Variants in ABCC3 observed in about 807,000 individuals in gnomAD.
ABCC3 encodes the protein ATP binding cassette subfamily C member 3, also known as ATP-binding cassette sub-family C member 3.
Under a neutral mutation model 165.3 loss-of-function variants are expected in ABCC3, and 121 were observed. The observed-to-expected ratio is 0.73, with a 90% CI of 0.63 to 0.85. ABCC3 has a LOEUF of 0.85. Among genes scored for constraint, ABCC3 ranks in the 40% least tolerant of loss-of-function variants. ABCC3 has a pLI of 0.00. For missense variants in ABCC3, 1,869 were observed against 1,964.1 expected, an observed-to-expected ratio of 0.95 and a Z score of 0.92; for synonymous variants, 733 against 810.1, an observed-to-expected ratio of 0.90 and a Z score of 1.62.
intron 25 of ABCC3, 48 bp from the exon 26 acceptor site, chr17:50,679,749 CG>C: frequency 6.5e-7 from 1 of 1,533,380 alleles, no homozygotes. Context: ...AAAGCCATTA[CG>C]GTGGGGAGGG....
chr17:50,689,255 C>T (rs919457153), intron 30 of ABCC3, among the ~76,000 whole-genome samples: 2 of 152,236 alleles, frequency 1.3e-5, no homozygotes, highest in African/African-American at 2.4e-5. Context: ...GTGTCCTCCC[C>T]AGCCCCTTGC....
At chr17:50,676,141 G>A (rs1354131642) in intron 22 of ABCC3, 51 bp downstream of exon 22, 1 of 1,607,488 alleles carries the variant, frequency 6.2e-7, no homozygotes, top group Non-Finnish European at 8.5e-7. Context: ...TTCTTCTCTG[G>A]GCTGCCAGGC....
intron 25 of ABCC3, among the ~76,000 whole-genome samples, chr17:50,678,617 A>C (rs1445677870): frequency 6.6e-6 from 1 of 152,098 alleles, no homozygotes; most frequent in African/African-American, 2.4e-5. Context: ...GGAGAAACAA[A>C]ATGTTTTAAA....
At position 50,678,259 on chromosome 17, in the gene ABCC3, G is replaced by A. The variant is rs1415635300; in HGVS notation, c.3705+40G>A. 7.3e-6 allele frequency: 11 copies of A among 1,509,532 alleles called. No homozygotes were observed. In the East Asian group the frequency reaches 2.1e-4, roughly 28 times the overall value. 93.5% of individuals were successfully genotyped at this position (1,509,532 alleles called of 1,614,324 possible). A position where few individuals can be genotyped will look rare whatever the true frequency, so the allele number is the denominator to read the frequency against. The stretch of plus-strand genomic sequence containing the variant: ...GACCCCAGGGCAGGGCCACCACTGG[G>A]ACAGAAACCACACAGGTGTTCCAGG... On this transcript the variant is annotated intron_variant, in intron 25 of 30. Transcript: ENST00000285238.
rs386386244 is a variant in ABCC3, at chr17:50,671,702, C to CTTTTT, written c.2242-1243_2242-1239dup. Reference sequence around the variant, plus strand: ...AGCTCAGGTCTCTCTTCCTTCCTTCCTTTTTTTTTTTTTTTTTTTTTTTTT... The same window carrying CTTTTT: ...AGCTCAGGTCTCTCTTCCTTCCTTCCTTTTTTTTTTTTTTTTTTTTTTTTTTTTTT... On this transcript the variant is annotated intron_variant, in intron 17 of 30. Coordinates refer to ENST00000285238, the MANE Select transcript of ABCC3 (RefSeq NM_003786.4). Among the ~76,000 whole-genome samples, 278 of 56,394 alleles carry CTTTTT rather than the reference C, an allele frequency of 4.9e-3. 41 individuals carry two copies. The highest frequency in any genetic ancestry group is 8.5e-3 in the African/African-American group (149 of 17,578). 37.0% of individuals were successfully genotyped at this position (56,394 alleles called of 152,430 possible).
chr17:50,691,723 C>T lies in ABCC3; in HGVS notation c.*523C>T, dbSNP rs1248859324. Reference sequence around the variant, plus strand: ...CAGTATATACACAGTAGTCTTTTTGCACTTGTTCACAAGGTTTGGGGATTA... The same window carrying T: ...CAGTATATACACAGTAGTCTTTTTGTACTTGTTCACAAGGTTTGGGGATTA... On this transcript the variant is annotated 3_prime_UTR_variant, in exon 31 of 31. Coordinates refer to ENST00000285238, the MANE Select transcript of ABCC3 (RefSeq NM_003786.4). The T allele has an allele frequency of 2.0e-5, 3 of 152,606 alleles. No homozygotes were observed. Among genetic ancestry groups the T allele is most frequent in the Non-Finnish European group, 2.9e-5 (2 of 68,358 alleles). The allele number at this position is 152,606 out of a possible 1,614,324, so 9.5% of individuals were successfully genotyped here.
At chr17:50,635,682 GC>G in intron 1 of ABCC3, 1 of 682,290 alleles carries the variant, frequency 1.5e-6, no homozygotes, top group East Asian at 2.7e-5. Context: ...GAAGGGACTT[GC>G]CCAAAGTTAC....
At chr17:50,673,964 C>CT (rs1567835504) in intron 19 of ABCC3, among the ~76,000 whole-genome samples, 3 of 23,172 alleles carry the variant, frequency 1.3e-4, no homozygotes, top group Non-Finnish European at 2.3e-4. Context: ...TTCTTTCTTT[C>CT]TTTCTTTCTT....
At position 50,657,060 on chromosome 17, in the gene ABCC3, G is replaced by C; in HGVS notation, c.363G>C (p.Leu121=). 6.2e-7 allele frequency: 1 copy of C among 1,613,902 alleles called. No homozygotes were observed. Among genetic ancestry groups the C allele is most frequent in the South Asian group, 1.1e-5 (1 of 91,030 alleles). Residue 121 remains leucine, a synonymous_variant, in exon 4 of 31, where the codon CTG becomes CTC. Coordinates refer to ENST00000285238, the MANE Select transcript of ABCC3 (RefSeq NM_003786.4). ...VVGVTMLLAT[L]LIQYERLQGV... ...TCCCTGCACAGCTGCTGGCCACCCT[G>C]CTGATACAGTATGAGCGGCTGCAGG...
chr17:50,657,618 G>A (rs759354334), intron 4 of ABCC3, among the ~76,000 whole-genome samples: 2 of 152,162 alleles, frequency 1.3e-5, no homozygotes, highest in Non-Finnish European at 2.9e-5. Flanking sequence ...TGTGATGTTG[G>A]GCTGGTGGGA....
intron 1 of ABCC3, among the ~76,000 whole-genome samples, chr17:50,645,588 G>T (rs572327573): frequency 6.6e-6 from 1 of 151,922 alleles, no homozygotes; most frequent in South Asian, 2.1e-4. Context: ...TTCAATAAAC[G>T]TGTATGTGTG....
intron 13 of ABCC3, 27 bp from the exon 14 acceptor site, chr17:50,668,403 C>G (rs777298271): frequency 2.5e-6 from 4 of 1,603,242 alleles, no homozygotes; most frequent in Admixed American, 1.7e-5. Flanking sequence ...AGTACAGTCT[C>G]TAGGGCTGAC....
chr17:50,657,984 C>A, intron 4 of ABCC3, 98 bp from the exon 5 acceptor site: 1 of 1,564,752 alleles, frequency 6.4e-7, no homozygotes, highest in Admixed American at 1.7e-5. Context: ...CTGCCTCCTG[C>A]CCCAGAGGAG....
At chr17:50,686,166 C>G (rs1292993499) in intron 29 of ABCC3, among the ~76,000 whole-genome samples, 1 of 144,468 alleles carries the variant, frequency 6.9e-6, no homozygotes, top group Non-Finnish European at 1.5e-5. Flanking sequence ...TGCACTCTAG[C>G]CTGGGTGACC....
intron 1 of ABCC3, among the ~76,000 whole-genome samples, chr17:50,645,618 A>G (rs1276223285): frequency 1.3e-5 from 2 of 151,814 alleles, no homozygotes; most frequent in Non-Finnish European, 2.9e-5. Flanking sequence ...TTTTTTTTTA[A>G]GAGTCCAGGT....
chr17:50,689,019 A>G (rs1968072871), intron 30 of ABCC3, among the ~76,000 whole-genome samples: 1 of 152,094 alleles, frequency 6.6e-6, no homozygotes, highest in Non-Finnish European at 1.5e-5. Context: ...CCTGGCCAAC[A>G]TGGTGAAACC....
chr17:50,660,534 C>T (rs75986184), intron 7 of ABCC3, among the ~76,000 whole-genome samples: 1 of 152,152 alleles, frequency 6.6e-6, no homozygotes, highest in Non-Finnish European at 1.5e-5. Flanking sequence ...GCCTGCTGCA[C>T]CCCCTCTCAG....
In ABCC3 at chr17:50,681,124, T is replaced by A. The variant is rs184764665; in HGVS notation, c.3807+1225T>A. ...AAAAATCACTGAGTTGACAAGTTTA[T>A]AACCACACACCACGGCTGCATGTTC... On this transcript the variant is annotated intron_variant, in intron 26 of 30. Coordinates refer to ENST00000285238, the MANE Select transcript of ABCC3 (RefSeq NM_003786.4). Among the ~76,000 whole-genome samples the A allele has an allele frequency of 4.6e-5, 7 of 151,974 alleles. No homozygotes were observed. The East Asian group carries it at 1.4e-3, about 29-fold the overall frequency.
At chr17:50,640,186 G>T (rs1167051026) in intron 1 of ABCC3, among the ~76,000 whole-genome samples, 1 of 152,248 alleles carries the variant, frequency 6.6e-6, no homozygotes, top group East Asian at 1.9e-4. Context: ...CAAAAAGCAG[G>T]TGATATGAGA....
Sources: gnomAD v4.1 joint callset for allele counts (sites outside exome capture counted in the v4.1 genomes callset) on GRCh38, gnomAD v4.1.1 for gene constraint, MANE v1.5 for transcripts, NCBI Gene and HGNC (gene_info 2026-07-23, HGNC 2026-07-21) for gene names.